Variants in BCL2 observed in about 807,000 individuals in gnomAD.
BCL2 encodes the protein apoptosis regulator Bcl-2.
A neutral mutation model predicts 14.2 loss-of-function variants in BCL2; 1 was observed. The observed-to-expected ratio is 0.07, with a 90% CI of 0.02 to 0.33. BCL2 has a LOEUF of 0.33. BCL2 is among the 10% of genes least tolerant of loss of function. The probability of loss-of-function intolerance (pLI) is 0.99; values close to 1 mark genes in which losing one functional copy is unlikely to be tolerated. For synonymous variants in BCL2, 151 were observed against 137.2 expected (o/e 1.10, Z -0.70); for missense variants, 247 against 305.9 (o/e 0.81, Z 1.44).
At chr18:63,132,179 A>G (rs1914086530) in intron 2 of BCL2, among the ~76,000 whole-genome samples, 2 of 152,192 alleles carry the variant, frequency 1.3e-5, no homozygotes, top group African/African-American at 4.8e-5. Flanking sequence ...TTGATATTTT[A>G]TTAGTTTATA....
chr18:63,314,229 T>A (rs1246424920), intron 2 of BCL2: 1 of 152,218 alleles, frequency 6.6e-6, no homozygotes, highest in Non-Finnish European at 1.5e-5. Context: ...TTCAAGCTAT[T>A]TTTAATCCTA....
intron 2 of BCL2, among the ~76,000 whole-genome samples, chr18:63,198,818 G>C (rs182535388): frequency 2.7e-5 from 3 of 109,456 alleles, no homozygotes; most frequent in East Asian, 2.9e-4. Context: ...GAGACACACA[G>C]ACACACAGAC....
rs549876851 is a variant in BCL2 at position 63,146,149 on chromosome 18, C to A, written c.586-17390G>T. 7.2e-4 allele frequency among the ~76,000 whole-genome samples: 110 copies of A among 152,322 alleles called. 1 individual carries two copies. The highest frequency in any genetic ancestry group is 1.2e-3 in the Non-Finnish European group (83 of 68,026). ...ATTCCTCAGCTCCGATCCCCACAAC[C>A]CGTTCTCCATTTGCCTGTTGTAGTC... On this transcript the variant is annotated intron_variant, in intron 2 of 2. Transcript: ENST00000333681.
chr18:63,228,023 T>C (rs1444979691), intron 2 of BCL2, among the ~76,000 whole-genome samples: 3 of 152,212 alleles, frequency 2.0e-5, no homozygotes, highest in African/African-American at 7.2e-5. Flanking sequence ...AGGCCTCTCT[T>C]TTTGGCCTAC....
At chr18:63,303,652 C>T (rs1175630369) in intron 2 of BCL2, among the ~76,000 whole-genome samples, 4 of 152,200 alleles carry the variant, frequency 2.6e-5, no homozygotes, top group Admixed American at 6.5e-5. Flanking sequence ...TCTGTTTCCG[C>T]ATCTATAAAT....
At chr18:63,168,548 T>A (rs57488223) in intron 2 of BCL2, among the ~76,000 whole-genome samples, 1,578 of 152,264 alleles carry the variant, frequency 0.01, 20 homozygotes, top group African/African-American at 0.036. Context: ...TGACTCTGCA[T>A]GGAGAGTCAC....
At chr18:63,220,052 A>T (rs1178948773) in intron 2 of BCL2, among the ~76,000 whole-genome samples, 1 of 152,248 alleles carries the variant, frequency 6.6e-6, no homozygotes, top group Admixed American at 6.5e-5. Flanking sequence ...CAAATCTACA[A>T]TCTAGTTTAA....
intron 2 of BCL2, among the ~76,000 whole-genome samples, chr18:63,299,140 A>G (rs1223444214): frequency 6.6e-6 from 1 of 152,214 alleles, no homozygotes; most frequent in Non-Finnish European, 1.5e-5. Context: ...GAGTTGGGCA[A>G]AGTACAGGCC....
At chr18:63,262,229 T>C (rs187246276) in intron 2 of BCL2, among the ~76,000 whole-genome samples, 21 of 152,318 alleles carry the variant, frequency 1.4e-4, no homozygotes, top group Admixed American at 5.9e-4. Context: ...ATATACTAAT[T>C]TTCTTTGGAG....
At chr18:63,185,518 T>C (rs1470426866) in intron 2 of BCL2, among the ~76,000 whole-genome samples, 1 of 152,232 alleles carries the variant, frequency 6.6e-6, no homozygotes, top group East Asian at 1.9e-4. Flanking sequence ...CCATATGGTA[T>C]CTCATTTGAT....
At chr18:63,169,226 GA>G (rs1248415770) in intron 2 of BCL2, among the ~76,000 whole-genome samples, 2 of 151,428 alleles carry the variant, frequency 1.3e-5, no homozygotes, top group Non-Finnish European at 2.9e-5. Flanking sequence ...AATGCAGACA[GA>G]ATAGTTTTTC....
At chr18:63,134,695 C>A (rs1165327135) in intron 2 of BCL2, among the ~76,000 whole-genome samples, 1 of 152,184 alleles carries the variant, frequency 6.6e-6, no homozygotes, top group Non-Finnish European at 1.5e-5. Flanking sequence ...AGAGCTTACA[C>A]TCTAGAGAGA....
At chr18:63,209,474 G>T (rs1430382930) in intron 2 of BCL2, among the ~76,000 whole-genome samples, 2 of 152,338 alleles carry the variant, frequency 1.3e-5, no homozygotes, top group East Asian at 3.9e-4. Flanking sequence ...AGGACTAGTG[G>T]TTCCCATTGG....
chr18:63,176,666 C>T (rs1250151559), intron 2 of BCL2, among the ~76,000 whole-genome samples: 1 of 152,166 alleles, frequency 6.6e-6, no homozygotes, highest in Non-Finnish European at 1.5e-5. Context: ...TTGATACATG[C>T]ATACAATACC....
intron 2 of BCL2, among the ~76,000 whole-genome samples, chr18:63,195,437 T>A (rs1190054204): frequency 6.6e-6 from 1 of 152,232 alleles, no homozygotes; most frequent in Non-Finnish European, 1.5e-5. Context: ...CTTCACCTTC[T>A]TTTAAAGTAC....
intron 2 of BCL2, among the ~76,000 whole-genome samples, chr18:63,223,018 T>G (rs1023765586): frequency 1.3e-5 from 2 of 152,244 alleles, no homozygotes; most frequent in Non-Finnish European, 2.9e-5. Flanking sequence ...GCAGGAAAGT[T>G]AGGAACAACC....
intron 2 of BCL2, among the ~76,000 whole-genome samples, chr18:63,177,825 C>T (rs1187490412): frequency 1.3e-5 from 2 of 152,140 alleles, no homozygotes; most frequent in Non-Finnish European, 2.9e-5. Flanking sequence ...TGTTTGCAGT[C>T]ACTTAATTCA....
At chr18:63,309,180 C>G (rs1913231330) in intron 2 of BCL2, among the ~76,000 whole-genome samples, 1 of 152,158 alleles carries the variant, frequency 6.6e-6, no homozygotes, top group Non-Finnish European at 1.5e-5. Context: ...GGGGTGCAAA[C>G]AACAGTCGCA....
At chr18:63,212,232 G>A (rs1419458929) in intron 2 of BCL2, among the ~76,000 whole-genome samples, 2 of 151,020 alleles carry the variant, frequency 1.3e-5, no homozygotes, top group African/African-American at 2.4e-5. Context: ...AGGCTGAGGC[G>A]AGACAGAATT....
Sources: gnomAD v4.1 joint callset for allele counts (sites outside exome capture counted in the v4.1 genomes callset) on GRCh38, gnomAD v4.1.1 for gene constraint, MANE v1.5 for transcripts, NCBI Gene and HGNC (gene_info 2026-07-23, HGNC 2026-07-21) for gene names.